The following SLC26A5 variants were observed in gnomAD, a reference collection of about 807,000 sequenced individuals.
The protein encoded by SLC26A5 is solute carrier family 26 member 5.
A neutral mutation model predicts 81.0 loss-of-function variants in SLC26A5; 51 were observed. The observed-to-expected ratio is 0.63, with a 90% CI of 0.50 to 0.80. The LOEUF (loss-of-function observed/expected upper bound fraction) is 0.80, where lower values mean the gene tolerates loss of function less well. Ranked by LOEUF, SLC26A5 falls within the 30% of genes least tolerant of loss-of-function variation. The probability of loss-of-function intolerance (pLI) is 0.00; values close to 1 mark genes in which losing one functional copy is unlikely to be tolerated. For synonymous variants in SLC26A5, 325 were observed against 332.8 expected (o/e 0.98, Z 0.25); for missense variants, 771 against 905.8 (o/e 0.85, Z 1.91).
chr7:103,363,540 C>A, intron 19 of SLC26A5: 1 of 1,054,066 alleles, frequency 9.5e-7, no homozygotes, highest in Non-Finnish European at 1.4e-6. Flanking sequence ...TTAATATTTT[C>A]CCTAATGAGA....
intron 19 of SLC26A5, 55 bp from the exon 20 acceptor site, chr7:103,374,647 AT>A: frequency 6.5e-7 from 1 of 1,549,256 alleles, no homozygotes; most frequent in East Asian, 2.3e-5. Flanking sequence ...GTCTTCAACA[AT>A]TAAAAAAAAG....
intron 19 of SLC26A5, among the ~76,000 whole-genome samples, chr7:103,360,978 C>T (rs2116215091): frequency 6.6e-6 from 1 of 152,024 alleles, no homozygotes; most frequent in Middle Eastern, 3.4e-3. Flanking sequence ...GCCGGGCGTG[C>T]TGGCGCATTC....
intron 19 of SLC26A5, chr7:103,364,148 G>A: frequency 6.2e-7 from 1 of 1,613,740 alleles, no homozygotes; most frequent in Non-Finnish European, 8.5e-7. Flanking sequence ...CACAGCCAGA[G>A]AGGTTTGTGA....
At chr7:103,408,024 G>A in intron 7 of SLC26A5, 21 bp from the exon 8 acceptor site, 1 of 1,613,858 alleles carries the variant, frequency 6.2e-7, no homozygotes, top group East Asian at 2.2e-5. Context: ...GTGAATGCTG[G>A]ATGTTTACAT....
At chr7:103,372,257 AGAGT>A (rs1253365044), downstream of SLC26A5, among the ~76,000 whole-genome samples, 1 of 152,230 alleles carries the variant, frequency 6.6e-6, no homozygotes, top group Non-Finnish European at 1.5e-5. Context: ...ATTAGTAAAG[AGAGT>A]GAGAAATCTG....
chr7:103,419,356 G>A (rs770726062), intron 4 of SLC26A5, among the ~76,000 whole-genome samples: 10 of 152,030 alleles, frequency 6.6e-5, no homozygotes, highest in East Asian at 3.9e-4. Context: ...TGCCCACCTC[G>A]CCTGCCACTG....
intron 19 of SLC26A5, chr7:103,366,166 G>A (rs117430989): frequency 0.017 from 27,351 of 1,607,626 alleles, 306 homozygotes; most frequent in Non-Finnish European, 0.019. Context: ...TATTGGAGGT[G>A]AGAATGATAC....
At chr7:103,394,995 C>G (rs1440491920) in intron 9 of SLC26A5, among the ~76,000 whole-genome samples, 1 of 152,228 alleles carries the variant, frequency 6.6e-6, no homozygotes, top group African/African-American at 2.4e-5. Flanking sequence ...GTTCCAGTGA[C>G]TCCAGATGAA....
chr7:103,411,002 A>G (rs1336872995), intron 6 of SLC26A5, among the ~76,000 whole-genome samples: 3 of 152,182 alleles, frequency 2.0e-5, no homozygotes, highest in Non-Finnish European at 4.4e-5. Flanking sequence ...CACTGGTTAT[A>G]CAGAAAACAA....
At chr7:103,416,362 C>A in intron 4 of SLC26A5, among the ~76,000 whole-genome samples, 1 of 152,238 alleles carries the variant, frequency 6.6e-6, no homozygotes, top group East Asian at 1.9e-4. Flanking sequence ...AGGTCACCAT[C>A]TGCTTTGGGC....
rs1288073820 is a variant in SLC26A5 at position 103,379,343 on chromosome 7, G to A, written c.1585-8C>T. On this transcript the variant is annotated splice_polypyrimidine_tract_variant and splice_region_variant and intron_variant, in intron 15 of 19. Coordinates refer to ENST00000306312, the MANE Select transcript of SLC26A5 (RefSeq NM_198999.3). The stretch of plus-strand genomic sequence containing the variant: ...TCCAGGAATTTCTTTCACCTGAAGA[G>A]TAAAATATTGCTGAATTTAACACAT... 7 of 1,521,910 alleles carry A rather than the reference G, an allele frequency of 4.6e-6. No homozygotes were observed. Among genetic ancestry groups the A allele is most frequent in the Non-Finnish European group, 6.4e-6 (7 of 1,096,988 alleles). The allele number at this position is 1,521,910 out of a possible 1,614,324, so 94.3% of individuals were successfully genotyped here.
intron 2 of SLC26A5, among the ~76,000 whole-genome samples, chr7:103,442,756 A>T (rs1246001206): frequency 6.6e-6 from 1 of 152,202 alleles, no homozygotes; most frequent in Non-Finnish European, 1.5e-5. Context: ...GCTTGGCTTA[A>T]AACCATGATC....
intron 8 of SLC26A5, among the ~76,000 whole-genome samples, chr7:103,407,552 CA>C (rs1207767474): frequency 6.6e-6 from 1 of 152,122 alleles, no homozygotes; most frequent in African/African-American, 2.4e-5. Flanking sequence ...GTACTCATTA[CA>C]AAACAATTAG....
In SLC26A5 at chr7:103,411,482, C is replaced by A; in HGVS notation, c.508G>T (p.Ala170Ser). The change falls in exon 6 of 20, where the codon GCC (alanine) becomes TCC (serine). Residue 170 changes from alanine (A) to serine (S), a missense_variant. Transcript: ENST00000306312. ...ACTTTCACTCTCAAGGCATCTCTGG[C>A]CTCTGTGCCATTGGTTGCATTTACT... is the stretch of plus-strand genomic sequence containing the variant. ...GGVNATNGTE[A>S]RDALRVKVAM... 6.2e-7 allele frequency: 1 copy of A among 1,614,184 alleles called. No individual in the cohort carries two copies. Among genetic ancestry groups the A allele is most frequent in the Non-Finnish European group, 8.5e-7 (1 of 1,180,034 alleles).
At chr7:103,393,122 A>C (rs1397819037) in intron 9 of SLC26A5, 56 bp from the exon 10 acceptor site, 39 of 1,607,274 alleles carry the variant, frequency 2.4e-5, no homozygotes, top group Admixed American at 6.8e-5. Flanking sequence ...AAAGAAAAAA[A>C]ACCTTGCGAC....
chr7:103,411,621 G>A, intron 5 of SLC26A5, 35 bp from the exon 6 acceptor site: 3 of 1,612,398 alleles, frequency 1.9e-6, no homozygotes, highest in Non-Finnish European at 2.5e-6. Context: ...CCTGTTCAGG[G>A]TTCAGAGTAT....
intron 19 of SLC26A5, chr7:103,366,199 C>A (rs138924268): frequency 3.6e-4 from 547 of 1,538,710 alleles, no homozygotes; most frequent in Non-Finnish European, 4.7e-4. Flanking sequence ...CTTTAGGATT[C>A]AGTTTCATGA....
chr7:103,353,461 C>T (rs1819843907), intron 19 of SLC26A5, among the ~76,000 whole-genome samples: 2 of 152,176 alleles, frequency 1.3e-5, no homozygotes, highest in Non-Finnish European at 2.9e-5. Context: ...CATGCGCCAC[C>T]ATGCCAGGCC....
intron 19 of SLC26A5, among the ~76,000 whole-genome samples, chr7:103,375,430 T>C (rs1439234383): frequency 1.3e-5 from 2 of 152,228 alleles, no homozygotes; most frequent in African/African-American, 2.4e-5. Flanking sequence ...CTGCCCTCCA[T>C]AGGGGCTGTT....
Sources: gnomAD v4.1 joint callset for allele counts (sites outside exome capture counted in the v4.1 genomes callset) on GRCh38, gnomAD v4.1.1 for gene constraint, MANE v1.5 for transcripts, NCBI Gene and HGNC (gene_info 2026-07-23, HGNC 2026-07-21) for gene names.